ARHGAP32: variants seen among roughly 807,000 people sequenced by gnomAD.
ARHGAP32 encodes Rho GTPase activating protein 32.
ARHGAP32 carries 51 observed loss-of-function variants against 186.5 expected under a neutral mutation model. The observed-to-expected ratio is 0.27, with a 90% CI of 0.22 to 0.35. ARHGAP32 has a LOEUF of 0.35. Among genes scored for constraint, ARHGAP32 ranks in the 10% least tolerant of loss-of-function variants. The probability of loss-of-function intolerance (pLI) is 1.00; values close to 1 mark genes in which losing one functional copy is unlikely to be tolerated. For missense variants in ARHGAP32, 2,186 were observed against 2,623.5 expected (o/e 0.83, Z 3.64); for synonymous variants, 950 against 964.3 (o/e 0.99, Z 0.27).
At chr11:129,099,149 C>T (rs1941819188) in intron 5 of ARHGAP32, among the ~76,000 whole-genome samples, 1 of 152,112 alleles carries the variant, frequency 6.6e-6, no homozygotes, top group African/African-American at 2.4e-5. Flanking sequence ...ATGAAATAAA[C>T]AGTACAATCA....
chr11:129,182,523 T>C (rs1944077909), intron 1 of ARHGAP32, among the ~76,000 whole-genome samples: 1 of 152,100 alleles, frequency 6.6e-6, no homozygotes, highest in African/African-American at 2.4e-5. Context: ...GTTTTTTGTT[T>C]TATGTAGCCT....
chr11:129,136,684 G>A (rs1942942444), intron 2 of ARHGAP32, among the ~76,000 whole-genome samples: 1 of 151,926 alleles, frequency 6.6e-6, no homozygotes, highest in Admixed American at 6.6e-5. Flanking sequence ...AGAATGCAAA[G>A]ATGGCTTAAT....
chr11:129,262,297 C>A (rs926243903), intron 1 of ARHGAP32, among the ~76,000 whole-genome samples: 1 of 152,016 alleles, frequency 6.6e-6, no homozygotes, highest in African/African-American at 2.4e-5. Flanking sequence ...AAAACCACTT[C>A]TAATAGGTAG....
At chr11:129,240,553 G>A (rs1365004583) in intron 1 of ARHGAP32, among the ~76,000 whole-genome samples, 2 of 152,068 alleles carry the variant, frequency 1.3e-5, no homozygotes, top group African/African-American at 4.8e-5. Context: ...TTGCCTTGTG[G>A]TATACTTACT....
chr11:129,223,210 A>G (rs1013068780), intron 1 of ARHGAP32, among the ~76,000 whole-genome samples: 2 of 152,192 alleles, frequency 1.3e-5, no homozygotes, highest in African/African-American at 4.8e-5. Flanking sequence ...CAAGGGCTCA[A>G]TAACCACATA....
intron 11 of ARHGAP32, among the ~76,000 whole-genome samples, chr11:129,010,476 G>A (rs1401774273): frequency 6.6e-6 from 1 of 152,252 alleles, no homozygotes; most frequent in African/African-American, 2.4e-5. Context: ...TGTATAAGGT[G>A]TAAGGAAGGG....
At chr11:129,193,600 TATAATA>T (rs1215431160), upstream of ARHGAP32, among the ~76,000 whole-genome samples, 5 of 78,688 alleles carry the variant, frequency 6.4e-5, no homozygotes, top group Non-Finnish European at 1.2e-4. Flanking sequence ...ATATGTTATA[TATAATA>T]TATAATATAT....
intron 2 of ARHGAP32, among the ~76,000 whole-genome samples, chr11:129,145,951 CA>C (rs1244860427): frequency 3.3e-5 from 5 of 152,002 alleles, no homozygotes; most frequent in African/African-American, 4.8e-5. Context: ...TGAAGAGCTC[CA>C]AACAAACTGG....
chr11:129,029,029 T>C (rs564156737), intron 11 of ARHGAP32, among the ~76,000 whole-genome samples: 5 of 152,298 alleles, frequency 3.3e-5, no homozygotes, highest in East Asian at 3.9e-4. Context: ...ATATTTTTTA[T>C]GCATAGTGAA....
At chr11:129,093,501 T>C (rs1294013149) in intron 6 of ARHGAP32, 120 bp downstream of exon 6, 5 of 698,190 alleles carry the variant, frequency 7.2e-6, no homozygotes, top group Non-Finnish European at 1.3e-5. Context: ...TTCAGTATTA[T>C]ATAAGTATTT....
At chr11:129,031,798 G>A (rs117786509) in intron 11 of ARHGAP32, among the ~76,000 whole-genome samples, 2,181 of 152,174 alleles carry the variant, frequency 0.014, 27 homozygotes, top group Non-Finnish European at 0.024. Context: ...GGCCTGACCC[G>A]CTCCTTATCC....
At position 129,124,903 on chromosome 11, in the gene ARHGAP32, A is replaced by G. The variant is rs1942625142; in HGVS notation, c.226-9T>C. ...ACATCTGCGCCTCTTGCCTTAAAAA[A>G]TAAAGACAAAATATTTATGGCTATT... On this transcript the variant is annotated splice_polypyrimidine_tract_variant and intron_variant, in intron 2 of 22. Transcript: ENST00000682385. 1 of 1,595,660 alleles carries G rather than the reference A, an allele frequency of 6.3e-7. No homozygotes were observed. The highest frequency in any genetic ancestry group is 1.1e-5 in the South Asian group (1 of 88,076).
Position 128,969,457 on chromosome 11 carries a change from T to G in ARHGAP32, c.5756A>C (p.Asp1919Ala), listed in dbSNP as rs1268175613. The change falls in exon 23 of 23, where the codon GAT becomes GCT. Residue 1919 changes from aspartate (D) to alanine (A), a missense_variant. Asp to Ala is a moderately radical substitution (Grantham distance 126). Coordinates refer to ENST00000682385, the MANE Select transcript of ARHGAP32 (RefSeq NM_001378024.1). The surrounding 1 kb of genome is among the most constrained non-coding windows in gnomAD (Gnocchi z 4.8). Reference protein sequence around the residue: ...PPYPQGAGQLDYGSKGIPDTS... With the variant: ...PPYPQGAGQLAYGSKGIPDTS... ...GTCTGGAATCCCTTTGGACCCATAATCTAACTGGCCAGCTCCCTGGGGATA... is the reference window on the plus strand; with the variant it reads ...GTCTGGAATCCCTTTGGACCCATAAGCTAACTGGCCAGCTCCCTGGGGATA... The G allele has an allele frequency of 1.1e-5, 17 of 1,614,192 alleles. No homozygotes were observed. Among genetic ancestry groups the G allele is most frequent in the Non-Finnish European group, 1.4e-5 (17 of 1,180,036 alleles).
chr11:129,262,528 C>T (rs901763082), intron 1 of ARHGAP32, among the ~76,000 whole-genome samples: 4 of 152,036 alleles, frequency 2.6e-5, no homozygotes, highest in Non-Finnish European at 2.9e-5. Context: ...GGATTACAGG[C>T]ATATGCCACC....
At chr11:129,197,325 G>T (rs899743060), upstream of ARHGAP32, among the ~76,000 whole-genome samples, 4 of 152,052 alleles carry the variant, frequency 2.6e-5, no homozygotes, top group African/African-American at 4.8e-5. Context: ...TCAGGGGAGG[G>T]GTATGGACAG....
intron 2 of ARHGAP32, among the ~76,000 whole-genome samples, chr11:129,163,182 G>A (rs1432491366): frequency 6.6e-6 from 1 of 152,138 alleles, no homozygotes; most frequent in African/African-American, 2.4e-5. Flanking sequence ...AGTATTTGCT[G>A]TGCCTGAGTG....
chr11:129,215,862 AAG>A (rs1162037884), intron 1 of ARHGAP32, among the ~76,000 whole-genome samples: 6 of 152,222 alleles, frequency 3.9e-5, no homozygotes, highest in African/African-American at 1.4e-4. Context: ...TATTTGAAAA[AAG>A]AGTCTTTGCA....
chr11:129,185,572 G>A (rs919983493), intron 1 of ARHGAP32, among the ~76,000 whole-genome samples: 2 of 152,096 alleles, frequency 1.3e-5, no homozygotes, highest in African/African-American at 4.8e-5. Context: ...TGCACGTTGT[G>A]CACATGTACC....
chr11:129,144,474 G>C (rs190676349), intron 2 of ARHGAP32, among the ~76,000 whole-genome samples: 1 of 152,084 alleles, frequency 6.6e-6, no homozygotes, highest in Non-Finnish European at 1.5e-5. Context: ...CAAGAGCTCT[G>C]AACTAAAAAT....
Sources: allele counts gnomAD v4.1 joint callset (sites outside exome capture counted in the v4.1 genomes callset), GRCh38; gene constraint gnomAD v4.1.1; non-coding constraint Gnocchi (gnomAD v3.1); transcripts MANE v1.5; gene names NCBI Gene and HGNC (gene_info 2026-07-23, HGNC 2026-07-21).